Variants in SEMA4D observed in about 807,000 individuals in gnomAD.
SEMA4D encodes the protein semaphorin-4D.
SEMA4D carries 22 observed loss-of-function variants against 74.8 expected under a neutral mutation model. The ratio of observed to expected loss-of-function variants is 0.29; its 90% confidence interval spans 0.21 to 0.42. The LOEUF is 0.42. SEMA4D is among the 10% of genes least tolerant of loss of function. SEMA4D has a pLI of 1.00. For missense variants in SEMA4D, 937 were observed against 1,118.4 expected, an observed-to-expected ratio of 0.84 and a Z score of 2.31; for synonymous variants, 445 against 463.7, an observed-to-expected ratio of 0.96 and a Z score of 0.52.
intron 1 of SEMA4D, among the ~76,000 whole-genome samples, chr9:89,488,350 A>ATGTTTT (rs1222488409): frequency 1.2e-5 from 1 of 80,426 alleles, no homozygotes; most frequent in Non-Finnish European, 2.8e-5. Context: ...TGGATCACAG[A>ATGTTTT]TCTTTTTTTT....
chr9:89,450,627 C>T (rs996824255), intron 2 of SEMA4D: 9 of 703,586 alleles, frequency 1.3e-5, no homozygotes, highest in Non-Finnish European at 2.1e-5. Flanking sequence ...GCTAAAGACC[C>T]TCCTCCAGAG....
intron 1 of SEMA4D, among the ~76,000 whole-genome samples, chr9:89,464,159 C>T (rs1471022522): frequency 1.3e-5 from 2 of 152,146 alleles, no homozygotes; most frequent in Non-Finnish European, 2.9e-5. Flanking sequence ...CACTGTGAGC[C>T]TGTTTCTTCC....
At chr9:89,364,844 C>T (rs1833351946) in intron 16 of SEMA4D, 2 of 151,866 alleles carry the variant, frequency 1.3e-5, no homozygotes, top group Admixed American at 1.3e-4. Flanking sequence ...CAGCCTCATC[C>T]CAGGGCAAGA....
chr9:89,437,248 T>A (rs1850653495), intron 2 of SEMA4D, among the ~76,000 whole-genome samples: 1 of 152,162 alleles, frequency 6.6e-6, no homozygotes, highest in Non-Finnish European at 1.5e-5. Flanking sequence ...TGCAATGAAG[T>A]GTGGCTCGTG....
At chr9:89,475,474 G>C (rs1319394427) in intron 1 of SEMA4D, among the ~76,000 whole-genome samples, 1 of 152,210 alleles carries the variant, frequency 6.6e-6, no homozygotes, top group Non-Finnish European at 1.5e-5. Flanking sequence ...AGTGACCTGA[G>C]TCCCTCCTAC....
chr9:89,472,273 C>T (rs553241375), intron 1 of SEMA4D: 7 of 371,476 alleles, frequency 1.9e-5, no homozygotes, highest in Admixed American at 9.2e-5. Flanking sequence ...AAAAGTCCTT[C>T]GCAATTTCTG....
exon 19 of SEMA4D, chr9:89,362,155 T>C: frequency 6.6e-6 from 4 of 602,584 alleles, no homozygotes; most frequent in Non-Finnish European, 1.2e-5. Context: ...CAGACAGAAC[T>C]TACTGTCCCA....
intron 1 of SEMA4D, among the ~76,000 whole-genome samples, chr9:89,491,796 A>G (rs1825649431): frequency 6.6e-6 from 1 of 152,188 alleles, no homozygotes; most frequent in Non-Finnish European, 1.5e-5. Context: ...AGACAATGCC[A>G]GCACTCACTA....
At chr9:89,409,035 CA>C (rs369706260) in intron 2 of SEMA4D, among the ~76,000 whole-genome samples, 16 of 152,290 alleles carry the variant, frequency 1.1e-4, no homozygotes, top group South Asian at 8.3e-4. Context: ...GGAGACAGCC[CA>C]GGGGCAGGCG....
At chr9:89,369,068 G>T (rs1474179544) in intron 16 of SEMA4D, 1 of 152,284 alleles carries the variant, frequency 6.6e-6, no homozygotes, top group Non-Finnish European at 1.5e-5. Context: ...AGAGCACAGG[G>T]AGTTGATAGC....
chr9:89,419,551 C>T (rs1313417583), intron 2 of SEMA4D, among the ~76,000 whole-genome samples: 1 of 152,122 alleles, frequency 6.6e-6, no homozygotes, highest in Non-Finnish European at 1.5e-5. Flanking sequence ...CAGTTGAAGG[C>T]AACAAAGGCA....
chr9:89,451,100 A>G (rs1279342022), intron 2 of SEMA4D, among the ~76,000 whole-genome samples: 2 of 152,174 alleles, frequency 1.3e-5, no homozygotes, highest in Non-Finnish European at 2.9e-5. Flanking sequence ...AACAGGGCTA[A>G]ATTAGCCACC....
intron 16 of SEMA4D, among the ~76,000 whole-genome samples, chr9:89,369,717 T>C (rs1327095392): frequency 6.6e-6 from 1 of 152,270 alleles, no homozygotes; most frequent in African/African-American, 2.4e-5. Flanking sequence ...GGTTCATCAG[T>C]TCAGACGAGC....
intron 2 of SEMA4D, among the ~76,000 whole-genome samples, chr9:89,423,337 A>C (rs1187161095): frequency 6.6e-6 from 1 of 152,072 alleles, no homozygotes; most frequent in African/African-American, 2.4e-5. Flanking sequence ...GATTACAGGC[A>C]TGTGCCACCA....
chr9:89,418,228 C>A (rs529616578), intron 2 of SEMA4D: 5 of 707,272 alleles, frequency 7.1e-6, no homozygotes, highest in African/African-American at 5.8e-5. Flanking sequence ...TGAGTTTAAA[C>A]CTTCTAGACT....
intron 1 of SEMA4D, among the ~76,000 whole-genome samples, chr9:89,496,908 G>A (rs1330814681): frequency 5.3e-5 from 8 of 152,254 alleles, no homozygotes; most frequent in Admixed American, 4.6e-4. Context: ...TGAGATGCTT[G>A]GCCCCAGGCC....
intron 15 of SEMA4D, among the ~76,000 whole-genome samples, chr9:89,380,612 T>C (rs1206469276): frequency 6.6e-6 from 1 of 152,212 alleles, no homozygotes; most frequent in Non-Finnish European, 1.5e-5. Context: ...AAGGGGCATC[T>C]GGCCTGATGC....
intron 16 of SEMA4D, among the ~76,000 whole-genome samples, chr9:89,370,255 G>A (rs1305517223): frequency 6.6e-6 from 1 of 151,500 alleles, no homozygotes; most frequent in Non-Finnish European, 1.5e-5. Flanking sequence ...GCATGCACAT[G>A]GTGTGTGTGT....
chr9:89,396,918 A>G, intron 5 of SEMA4D, 83 bp from the exon 6 acceptor site: 1 of 1,252,722 alleles, frequency 8.0e-7, no homozygotes, highest in Non-Finnish European at 1.1e-6. Flanking sequence ...CGTTCATCTC[A>G]GGGGCACAGA....
Sources: allele counts gnomAD v4.1 joint callset (sites outside exome capture counted in the v4.1 genomes callset), GRCh38; gene constraint gnomAD v4.1.1; transcripts MANE v1.5; gene names NCBI Gene and HGNC (gene_info 2026-07-23, HGNC 2026-07-21).